The following COBL variants were observed in gnomAD, a reference collection of about 807,000 sequenced individuals.
The protein encoded by COBL is cordon-bleu WH2 repeat protein, also known as protein cordon-bleu.
Under a neutral mutation model 98.8 loss-of-function variants are expected in COBL, and 51 were observed. The ratio of observed to expected loss-of-function variants is 0.52; its 90% CI spans 0.41 to 0.65. COBL has a LOEUF of 0.65. Ranked by LOEUF, COBL falls within the 30% of genes least tolerant of loss-of-function variation. The pLI is 0.00. For missense variants in COBL, 1,617 were observed against 1,617.5 expected, an observed-to-expected ratio of 1.00 and a Z score of 0.01; for synonymous variants, 634 against 651.7, an observed-to-expected ratio of 0.97 and a Z score of 0.41.
In COBL at chr7:51,018,935, T is replaced by A. The variant is rs1228411978; in HGVS notation, c.3769-1367A>T. 1.9e-3 allele frequency among the ~76,000 whole-genome samples: 140 copies of A among 73,396 alleles called. 11 individuals carry two copies. Among genetic ancestry groups the A allele is most frequent in the African/African-American group, 3.3e-3 (83 of 25,138 alleles). 48.2% of individuals were successfully genotyped at this position (73,396 alleles called of 152,430 possible). On this transcript the variant is annotated intron_variant, in intron 12 of 12. Coordinates refer to ENST00000265136, the MANE Select transcript of COBL (RefSeq NM_015198.5). Reference sequence around the variant, plus strand: ...ATATATATATATATATATATATATATATATATATATATATATATGATTTTT... The same window carrying A: ...ATATATATATATATATATATATATAAATATATATATATATATATGATTTTT...
chr7:51,132,913 A>C (rs1335443490), intron 6 of COBL, among the ~76,000 whole-genome samples: 1 of 152,110 alleles, frequency 6.6e-6, no homozygotes, highest in African/African-American at 2.4e-5. Flanking sequence ...GATGGCACCA[A>C]GCCATTCATG....
Position 51,027,833 on chromosome 7 carries a change from A to T in COBL, c.3263T>A (p.Ile1088Asn). The stretch of plus-strand genomic sequence containing the variant: ...TTTGAATTTTTTCTTCGGCCCAAAA[A>T]TGCTGGGTGGCCAAATACTGTCTGT... ...NETDSIWPPS[I>N]FGPKKKFKPV... The change falls in exon 10 of 13, where the codon ATT (isoleucine) becomes AAT (asparagine). Residue 1088 changes from isoleucine (I) to asparagine (N), a missense_variant. By Grantham distance (149) the Ile-to-Asn change is moderately radical (BLOSUM62 -3). Around this residue, in one of 3 missense-constraint regions of COBL, gnomAD observed 1,304 missense variants for 1,282.0 expected, o/e 1.02. Coordinates refer to ENST00000265136, the MANE Select transcript of COBL (RefSeq NM_015198.5). 1 of 1,614,238 alleles carries T rather than the reference A, an allele frequency of 6.2e-7. No homozygotes were observed. The highest frequency in any genetic ancestry group is 8.5e-7 in the Non-Finnish European group (1 of 1,180,044).
intron 6 of COBL, among the ~76,000 whole-genome samples, chr7:51,101,618 G>A (rs1182662945): frequency 6.6e-6 from 1 of 152,174 alleles, no homozygotes; most frequent in Non-Finnish European, 1.5e-5. Context: ...GAATGGAAAT[G>A]TTTATTTTTA....
At chr7:51,055,023 G>A (rs892283315) in intron 7 of COBL, among the ~76,000 whole-genome samples, 1 of 152,212 alleles carries the variant, frequency 6.6e-6, no homozygotes, top group African/African-American at 2.4e-5. Context: ...GACAGGGGGT[G>A]CCTTTTAGGA....
chr7:51,080,335 T>G (rs1166080314), intron 7 of COBL, among the ~76,000 whole-genome samples: 2 of 152,220 alleles, frequency 1.3e-5, no homozygotes, highest in Non-Finnish European at 2.9e-5. Context: ...AAAAGTGTAT[T>G]TCTCCTTTTT....
chr7:51,018,931 T>A (rs1481139840), intron 12 of COBL, among the ~76,000 whole-genome samples: 1,278 of 63,452 alleles, frequency 0.02, 229 homozygotes, highest in African/African-American at 0.057. Flanking sequence ...TATATATATA[T>A]ATATATATAT....
At chr7:51,181,844 G>A (rs1323790105) in intron 5 of COBL, among the ~76,000 whole-genome samples, 3 of 151,896 alleles carry the variant, frequency 2.0e-5, no homozygotes, top group Non-Finnish European at 4.4e-5. Flanking sequence ...CTGCTGTATC[G>A]AAATGGTGAA....
chr7:51,062,310 G>A (rs1433900616), intron 7 of COBL, among the ~76,000 whole-genome samples: 1 of 152,056 alleles, frequency 6.6e-6, no homozygotes, highest in Admixed American at 6.5e-5. Context: ...GCGTCTGTGA[G>A]AGGTGGCAGG....
At chr7:51,208,227 C>A (rs577748894) in intron 2 of COBL, among the ~76,000 whole-genome samples, 1 of 148,024 alleles carries the variant, frequency 6.8e-6, no homozygotes, top group Non-Finnish European at 1.5e-5. Context: ...GGAGCCCCTC[C>A]GCCCGGCAGC....
intron 1 of COBL, among the ~76,000 whole-genome samples, chr7:51,260,448 A>G (rs1797611180): frequency 6.6e-6 from 1 of 152,240 alleles, no homozygotes; most frequent in South Asian, 2.1e-4. Context: ...ACATCCACAA[A>G]TGAGGATAAC....
chr7:51,047,146 ACAAT>A (rs1789790738), intron 7 of COBL, among the ~76,000 whole-genome samples: 1 of 152,248 alleles, frequency 6.6e-6, no homozygotes, highest in African/African-American at 2.4e-5. Flanking sequence ...TAAGGCATGA[ACAAT>A]CTCTTTGAAC....
chr7:51,099,537 T>C (rs2128960832), intron 6 of COBL, among the ~76,000 whole-genome samples: 1 of 152,304 alleles, frequency 6.6e-6, no homozygotes, highest in East Asian at 1.9e-4. Flanking sequence ...ATGAGCTATA[T>C]AAAGTAGTCA....
intron 1 of COBL, 105 bp downstream of exon 1, chr7:51,316,487 TG>T: frequency 1.2e-6 from 1 of 833,012 alleles, no homozygotes; most frequent in Non-Finnish European, 1.6e-6. Context: ...CAGCACCCGC[TG>T]GGGCGGCAGA....
At chr7:51,279,081 CAG>C (rs1799577915) in intron 1 of COBL, among the ~76,000 whole-genome samples, 1 of 152,370 alleles carries the variant, frequency 6.6e-6, no homozygotes, top group South Asian at 2.1e-4. Context: ...CCTGCACTGA[CAG>C]TGAATAATCC....
chr7:51,272,245 T>C (rs142153422), intron 1 of COBL, among the ~76,000 whole-genome samples: 57 of 152,314 alleles, frequency 3.7e-4, no homozygotes, highest in African/African-American at 1.3e-3. Flanking sequence ...TGTTGTTTCA[T>C]ACAAGTACAC....
At chr7:51,139,259 G>A (rs948820801) in intron 5 of COBL, among the ~76,000 whole-genome samples, 12 of 152,166 alleles carry the variant, frequency 7.9e-5, no homozygotes, top group African/African-American at 2.9e-4. Context: ...CACATTAGAA[G>A]TGTCTAATAT....
At position 51,027,982 on chromosome 7, in the gene COBL, A is replaced by C; in HGVS notation, c.3114T>G (p.Asn1038Lys). 1.9e-6 allele frequency: 3 copies of C among 1,605,180 alleles called. No individual in the cohort carries two copies. Among genetic ancestry groups the C allele is most frequent in the Non-Finnish European group, 1.7e-6 (2 of 1,175,134 alleles). ...CGTGGCCTGGGGCGCGCACAGAGCC[A>C]TTGACCAGCTCCCTGCTGCAGGCCT... ...DTQACSRELV[N>K]GSVRAPGHGE... is the part of the protein sequence containing the mutation. The change falls in exon 10 of 13, where the codon AAT becomes AAG. Residue 1038 changes from asparagine to lysine, a missense_variant. This residue lies in a region of COBL where 1,304 missense variants were observed against 1,282.0 expected (regional missense o/e 1.02). Transcript: ENST00000265136.
chr7:51,209,394 G>A (rs1205035335), intron 2 of COBL, among the ~76,000 whole-genome samples: 1 of 152,206 alleles, frequency 6.6e-6, no homozygotes, highest in Non-Finnish European at 1.5e-5. Flanking sequence ...GCTGGTGGCA[G>A]TGGGAGCACC....
At chr7:51,200,476 TTA>T (rs1791014625) in intron 2 of COBL, among the ~76,000 whole-genome samples, 2 of 152,176 alleles carry the variant, frequency 1.3e-5, no homozygotes, top group African/African-American at 4.8e-5. Context: ...CTGACATCAG[TTA>T]CATAAAGTGT....
Sources: gnomAD v4.1 joint callset for allele counts (sites outside exome capture counted in the v4.1 genomes callset) on GRCh38, gnomAD v4.1.1 for gene constraint, gnomAD v4.1.1 regional missense constraint, MANE v1.5 for transcripts, NCBI Gene and HGNC (gene_info 2026-07-23, HGNC 2026-07-21) for gene names.